SPTBN2: variants seen among roughly 807,000 people sequenced by gnomAD.
SPTBN2 encodes spectrin beta chain, non-erythrocytic 2.
Under a neutral mutation model 284.2 loss-of-function variants are expected in SPTBN2, and 107 were observed. The ratio of observed to expected loss-of-function variants is 0.38; its 90% CI spans 0.32 to 0.44. SPTBN2 has a LOEUF of 0.44. Among genes scored for constraint, SPTBN2 ranks in the 20% least tolerant of loss-of-function variants. The pLI is 1.00. For missense variants in SPTBN2, 2,569 were observed against 3,287.1 expected, an observed-to-expected ratio of 0.78 and a Z score of 5.34; for synonymous variants, 1,289 against 1,354.8, an observed-to-expected ratio of 0.95 and a Z score of 1.07.
chr11:66,718,858 T>A lies in SPTBN2; in HGVS notation c.157+2226A>T, dbSNP rs1374435637. Among the ~76,000 whole-genome samples, 1 of 152,048 alleles carries A rather than the reference T, an allele frequency of 6.6e-6. No homozygotes were observed. Among genetic ancestry groups the A allele is most frequent in the Non-Finnish European group, 1.5e-5 (1 of 67,972 alleles). On this transcript the variant is annotated intron_variant, in intron 3 of 37. Transcript: ENST00000533211. This position sits in a 1 kb window ranked among gnomAD's most constrained non-coding sequence, Gnocchi z 4.8. ...AGACAGGCGGCTCCAGACAAACAGGTTGGACAGTGTTGGGGAGGGGAGAGA... is the reference window on the plus strand; with the variant it reads ...AGACAGGCGGCTCCAGACAAACAGGATGGACAGTGTTGGGGAGGGGAGAGA...
chr11:66,706,444 C>A (rs533896763), intron 13 of SPTBN2, among the ~76,000 whole-genome samples: 2 of 152,338 alleles, frequency 1.3e-5, no homozygotes, highest in South Asian at 4.1e-4. Flanking sequence ...AATTCTCCTT[C>A]CTCAGCCTCC....
Position 66,701,025 on chromosome 11 carries a change from A to T in SPTBN2, c.3074T>A (p.Leu1025Gln). ...VGELTREANA[L>Q]AAGHPAQAVA... is the part of the protein sequence containing the mutation. ...TGCCTGAGCGGGATGGCCGGCAGCC[A>T]GGGCATTTGCCTCTCGAGTCAGTTC... The change falls in exon 17 of 38, where the codon CTG becomes CAG. Residue 1025 changes from leucine (L) to glutamine (Q), a missense_variant. Transcript: ENST00000533211. 6.2e-7 allele frequency: 1 copy of T among 1,608,696 alleles called. No homozygotes were observed. The highest frequency in any genetic ancestry group is 8.5e-7 in the Non-Finnish European group (1 of 1,179,786).
At chr11:66,698,581 GC>G in intron 20 of SPTBN2, 57 bp downstream of exon 20, 1 of 1,611,934 alleles carries the variant, frequency 6.2e-7, no homozygotes. Context: ...CTGGAGCCAG[GC>G]CCTCCCCCGT....
rs766618779 is a variant in SPTBN2 at position 66,705,067 on chromosome 11, C to T, written c.2209G>A (p.Glu737Lys). 9.3e-5 allele frequency: 148 copies of T among 1,588,964 alleles called. No individual in the cohort carries two copies. Among genetic ancestry groups the T allele is most frequent in the Non-Finnish European group, 1.1e-4 (133 of 1,175,060 alleles). Residue 737 changes from glutamate (E) to lysine (K), a missense_variant, in exon 15 of 38, where the codon GAG becomes AAG. Transcript: ENST00000533211. Reference protein sequence around the residue: ...AQWERLEALAEERAQRLAQAA... With the variant: ...AQWERLEALAKERAQRLAQAA... ...TGGGCCAGCCGCTGGGCACGCTCCT[C>T]GGCCAGGGCCTCTAGCCGCTCCCAC...
At chr11:66,702,831 G>C (rs1165289695) in intron 15 of SPTBN2, among the ~76,000 whole-genome samples, 1 of 150,896 alleles carries the variant, frequency 6.6e-6, no homozygotes, top group Admixed American at 6.6e-5. Flanking sequence ...CCAGCTACTT[G>C]GGAGGCTGAG....
In SPTBN2 at chr11:66,693,125, A is replaced by C; in HGVS notation, c.4855-25T>G. On this transcript the variant is annotated intron_variant, in intron 24 of 37. Coordinates refer to ENST00000533211, the MANE Select transcript of SPTBN2 (RefSeq NM_006946.4). The surrounding 1 kb of genome is among the most constrained non-coding windows in gnomAD (Gnocchi z 5.7). ...CCTGGGGGAAGGGACAGTGGCATCCAGCATCAGGTCAGGGGAGGGCAGAAC... is the reference window on the plus strand; with the variant it reads ...CCTGGGGGAAGGGACAGTGGCATCCCGCATCAGGTCAGGGGAGGGCAGAAC... 6.2e-7 allele frequency: 1 copy of C among 1,614,202 alleles called. No individual in the cohort carries two copies. Among genetic ancestry groups the C allele is most frequent in the Non-Finnish European group, 8.5e-7 (1 of 1,180,036 alleles).
In SPTBN2 at chr11:66,714,417, A is replaced by G; in HGVS notation, c.484-10T>C. The stretch of plus-strand genomic sequence containing the variant: ...CACTGATGTCTTGGATCTAGGAAGG[A>G]AGCAAGCAGGGCCCTCAGTCCCTGG... On this transcript the variant is annotated splice_polypyrimidine_tract_variant and intron_variant, in intron 5 of 37. Transcript: ENST00000533211. 6.2e-7 allele frequency: 1 copy of G among 1,612,424 alleles called. No homozygotes were observed. Among genetic ancestry groups the G allele is most frequent in the Non-Finnish European group, 8.5e-7 (1 of 1,178,664 alleles).
In SPTBN2 at chr11:66,696,605, G is replaced by T; in HGVS notation, c.4015-65C>A. 3 of 1,600,142 alleles carry T rather than the reference G, an allele frequency of 1.9e-6. No individual in the cohort carries two copies. The South Asian group carries it at 3.3e-5, about 18-fold the overall frequency. ...GCCTGAACTTTAGAGGCTGAGAGCA[G>T]ACCAGGGGCCTTACGGGCAGTAGAG... On this transcript the variant is annotated intron_variant, in intron 20 of 37. Transcript: ENST00000533211.
At chr11:66,694,435 A>G (rs1222948922) in intron 21 of SPTBN2, 72 bp from the exon 22 acceptor site, 2 of 1,470,160 alleles carry the variant, frequency 1.4e-6, no homozygotes, top group East Asian at 4.8e-5. Flanking sequence ...GACACCAACC[A>G]GTCTCTATCC....
intron 1 of SPTBN2, among the ~76,000 whole-genome samples, chr11:66,737,318 A>T (rs1942857239): frequency 6.6e-6 from 1 of 152,214 alleles, no homozygotes; most frequent in Non-Finnish European, 1.5e-5. Flanking sequence ...AAATGATTTG[A>T]TTCATACAAA....
rs143463404 is a variant in SPTBN2 at position 66,683,815 on chromosome 11, G to C, written c.*2056C>G. ...GTGCCCCCAGGCTTGCCAGCTTGGA[G>C]TGCAAATACCTAGATTCCCTGAGCA... On this transcript the variant is annotated 3_prime_UTR_variant, in exon 38 of 38. Coordinates refer to ENST00000533211, the MANE Select transcript of SPTBN2 (RefSeq NM_006946.4). Among the ~76,000 whole-genome samples, 1 of 152,224 alleles carries C rather than the reference G, an allele frequency of 6.6e-6. No homozygotes were observed. Among genetic ancestry groups the C allele is most frequent in the Non-Finnish European group, 1.5e-5 (1 of 68,044 alleles).
upstream of SPTBN2, among the ~76,000 whole-genome samples, chr11:66,733,724 T>C (rs1051949202): frequency 6.6e-6 from 1 of 152,180 alleles, no homozygotes; most frequent in African/African-American, 2.4e-5. Context: ...CTTAATCCAA[T>C]GCAACAGAAC....
chr11:66,715,282 A>G lies in SPTBN2; in HGVS notation c.423T>C (p.Ile141=). The G allele has an allele frequency of 6.2e-7, 1 of 1,614,150 alleles. No homozygotes were observed. Among genetic ancestry groups the G allele is most frequent in the Non-Finnish European group, 8.5e-7 (1 of 1,180,020 alleles). Residue 141 remains isoleucine, a synonymous_variant, in exon 5 of 38, where the codon ATT becomes ATC. Coordinates refer to ENST00000533211, the MANE Select transcript of SPTBN2 (RefSeq NM_006946.4). This position sits in a 1 kb window ranked among gnomAD's most constrained non-coding sequence, Gnocchi z 5.3. The part of the protein sequence containing the change: ...VHLENMGSHD[I]VDGNHRLTLG... ...GGGTCAGTCGGTGGTTTCCGTCCAC[A>G]ATGTCATGGGAGCCCATGTTTTCCA...
intron 36 of SPTBN2, chr11:66,686,658 C>T (rs927068933): frequency 9.2e-6 from 6 of 652,066 alleles, no homozygotes; most frequent in South Asian, 3.7e-5. Context: ...CTCACTTCCA[C>T]CCCAGCCCGG....
rs1940523107 is a variant in SPTBN2, at chr11:66,691,243, C to A, written c.5565+41G>T. ...CTCTCCCCGGCATTTCCCCCATGGC[C>A]TCCTCTAAGCCTCCCCCACCTCCTC... On this transcript the variant is annotated intron_variant, in intron 27 of 37. Transcript: ENST00000533211. This position sits in a 1 kb window ranked among gnomAD's most constrained non-coding sequence, Gnocchi z 8.0. 2.7e-6 allele frequency: 4 copies of A among 1,503,274 alleles called. No homozygotes were observed. Among genetic ancestry groups the A allele is most frequent in the African/African-American group, 1.4e-5 (1 of 71,354 alleles). The allele number at this position is 1,503,274 out of a possible 1,614,324, so 93.1% of individuals were successfully genotyped here.
At position 66,718,227 on chromosome 11, in the gene SPTBN2, G is replaced by A. The variant is rs139973942; in HGVS notation, c.158-2246C>T. Among the ~76,000 whole-genome samples, 674 of 152,332 alleles carry A rather than the reference G, an allele frequency of 4.4e-3. 9 individuals carry two copies. The highest frequency in any genetic ancestry group is 0.016 in the African/African-American group (653 of 41,574). ...ACCCATGCCATCATACACGGTCCCT[G>A]CCAGCAGGTCCAAGCCTTTCCCCAT... On this transcript the variant is annotated intron_variant, in intron 3 of 37. Coordinates refer to ENST00000533211, the MANE Select transcript of SPTBN2 (RefSeq NM_006946.4). The surrounding 1 kb of genome is among the most constrained non-coding windows in gnomAD (Gnocchi z 4.8).
upstream of SPTBN2, among the ~76,000 whole-genome samples, chr11:66,733,558 G>C (rs2135605820): frequency 6.6e-6 from 1 of 152,282 alleles, no homozygotes; most frequent in East Asian, 1.9e-4. Context: ...TAGGTTTGAG[G>C]TATCTTTGAA....
At chr11:66,690,367 C>T in intron 27 of SPTBN2, 84 bp from the exon 28 acceptor site, 3 of 1,453,996 alleles carry the variant, frequency 2.1e-6, no homozygotes, top group Non-Finnish European at 2.7e-6. Flanking sequence ...CCACTCTCAC[C>T]TCCTGCCTGT....
rs146455382 is a variant in SPTBN2, at chr11:66,691,544, G to T, written c.5305C>A (p.Arg1769=). 1.2e-4 allele frequency: 192 copies of T among 1,613,172 alleles called. 1 individual carries two copies. The African/African-American group carries it at 2.3e-3, about 19-fold the overall frequency. Reference sequence around the variant, plus strand: ...TCCTTCCACTCGGCCACGGTGGCCCGTGCAGCATGGCCCCCAGCAATGAGC... The same window carrying T: ...TCCTTCCACTCGGCCACGGTGGCCCTTGCAGCATGGCCCCCAGCAATGAGC... ...NGLIAGGHAA[R]ATVAEWKDSL... The change falls in exon 27 of 38, where the codon CGG becomes AGG. Residue 1769 remains arginine (R), a synonymous_variant. Coordinates refer to ENST00000533211, the MANE Select transcript of SPTBN2 (RefSeq NM_006946.4). This position sits in a 1 kb window ranked among gnomAD's most constrained non-coding sequence, Gnocchi z 8.0.
Sources: allele counts gnomAD v4.1 joint callset (sites outside exome capture counted in the v4.1 genomes callset), GRCh38; gene constraint gnomAD v4.1.1; non-coding constraint Gnocchi (gnomAD v3.1); transcripts MANE v1.5; gene names NCBI Gene and HGNC (gene_info 2026-07-23, HGNC 2026-07-21).